Variants in GPR158 observed in about 807,000 individuals in gnomAD.
The protein encoded by GPR158 is G protein-coupled receptor 158.
A neutral mutation model predicts 78.2 loss-of-function variants in GPR158; 30 were observed. The ratio of observed to expected loss-of-function variants is 0.38; its 90% CI spans 0.29 to 0.52. The LOEUF (loss-of-function observed/expected upper bound fraction) is 0.52, where lower values mean the gene tolerates loss of function less well. Ranked by LOEUF, GPR158 falls within the 20% of genes least tolerant of loss-of-function variation. GPR158 has a pLI of 0.83. For missense variants in GPR158, 1,463 were observed against 1,523.5 expected, an observed-to-expected ratio of 0.96 and a Z score of 0.66; for synonymous variants, 581 against 591.1, an observed-to-expected ratio of 0.98 and a Z score of 0.25.
chr10:25,400,517 C>T (rs1197320382), intron 3 of GPR158, among the ~76,000 whole-genome samples: 3 of 152,156 alleles, frequency 2.0e-5, no homozygotes, highest in Non-Finnish European at 4.4e-5. Flanking sequence ...AGCCCAGAGA[C>T]CTTGTTCCTG....
At position 25,240,725 on chromosome 10, in the gene GPR158, A is replaced by G. The variant is rs185856116; in HGVS notation, c.1008+19568A>G. On this transcript the variant is annotated intron_variant, in intron 2 of 10. Coordinates refer to ENST00000376351, the MANE Select transcript of GPR158 (RefSeq NM_020752.3). ...GTTGGATTCTTATGTAATAAGATAT[A>G]TAAATTTTTATTTCAAATATGCATA... Among the ~76,000 whole-genome samples, 8 of 152,374 alleles carry G rather than the reference A, an allele frequency of 5.3e-5. No homozygotes were observed. The East Asian group carries it at 1.5e-3, about 29-fold the overall frequency.
intron 5 of GPR158, among the ~76,000 whole-genome samples, chr10:25,472,277 G>A (rs1835517712): frequency 6.6e-6 from 1 of 151,672 alleles, no homozygotes; most frequent in African/African-American, 2.4e-5. Flanking sequence ...GGTTGTAGAT[G>A]TGTGGTATTA....
At chr10:25,337,398 C>T (rs545892576) in intron 2 of GPR158, among the ~76,000 whole-genome samples, 128 of 152,212 alleles carry the variant, frequency 8.4e-4, no homozygotes, top group African/African-American at 2.9e-3. Context: ...ATGTTTAGAT[C>T]ATGTAACATG....
chr10:25,192,699 A>T (rs1852788755), intron 1 of GPR158, among the ~76,000 whole-genome samples: 1 of 152,152 alleles, frequency 6.6e-6, no homozygotes, highest in Admixed American at 6.5e-5. Flanking sequence ...CCGATTTATG[A>T]TGGTTCTACC....
At chr10:25,409,734 T>C (rs1834560664) in intron 3 of GPR158, among the ~76,000 whole-genome samples, 1 of 152,200 alleles carries the variant, frequency 6.6e-6, no homozygotes, top group Admixed American at 6.5e-5. Context: ...TCTCATATAA[T>C]TCCTCAATTT....
chr10:25,210,988 G>A (rs756454954), intron 1 of GPR158, among the ~76,000 whole-genome samples: 11 of 151,628 alleles, frequency 7.3e-5, no homozygotes, highest in Non-Finnish European at 1.2e-4. Context: ...AAAAAATAGC[G>A]GGGTGTGGTG....
intron 5 of GPR158, among the ~76,000 whole-genome samples, chr10:25,501,915 A>G (rs1536836): frequency 0.58 from 88,530 of 151,860 alleles, 26,424 homozygotes; most frequent in African/African-American, 0.71. Flanking sequence ...ATCTCCTCAC[A>G]CTGCTGTCCG....
At chr10:25,476,398 T>TTC (rs397784276) in intron 5 of GPR158, among the ~76,000 whole-genome samples, 7 of 151,536 alleles carry the variant, frequency 4.6e-5, no homozygotes, top group Non-Finnish European at 7.4e-5. Flanking sequence ...TTTTTTTTTT[T>TTC]CTTTCCCCTC....
chr10:25,349,635 G>A (rs1348540683), intron 2 of GPR158, among the ~76,000 whole-genome samples: 2 of 146,758 alleles, frequency 1.4e-5, no homozygotes, highest in Non-Finnish European at 2.9e-5. Context: ...TTCCATGATT[G>A]TAAGTTTCCT....
intron 5 of GPR158, among the ~76,000 whole-genome samples, chr10:25,539,117 T>C (rs1836540163): frequency 3.3e-5 from 5 of 152,118 alleles, no homozygotes; most frequent in Admixed American, 3.3e-4. Flanking sequence ...AATGTAGTGC[T>C]GCATCCTGGG....
chr10:25,486,882 G>T (rs1474714053), intron 5 of GPR158, among the ~76,000 whole-genome samples: 1 of 151,928 alleles, frequency 6.6e-6, no homozygotes, highest in East Asian at 1.9e-4. Context: ...AGATAAATGG[G>T]AATTTTCTAT....
chr10:25,288,775 T>G (rs2130762055), intron 2 of GPR158, among the ~76,000 whole-genome samples: 1 of 152,346 alleles, frequency 6.6e-6, no homozygotes. Context: ...GTACATTTGA[T>G]TGTAGAAGCC....
chr10:25,469,509 G>A (rs1004664683), intron 5 of GPR158, among the ~76,000 whole-genome samples: 5 of 152,024 alleles, frequency 3.3e-5, no homozygotes, highest in African/African-American at 1.2e-4. Context: ...GAATCGGCCG[G>A]GCCTGGTGGC....
chr10:25,216,050 A>G (rs1213276383), intron 1 of GPR158, among the ~76,000 whole-genome samples: 2 of 152,192 alleles, frequency 1.3e-5, no homozygotes, highest in Non-Finnish European at 2.9e-5. Context: ...TTGTCCTTCA[A>G]AACTGACCAA....
At chr10:25,220,025 CTTTTATA>C (rs1407882214) in intron 1 of GPR158, among the ~76,000 whole-genome samples, 1 of 151,994 alleles carries the variant, frequency 6.6e-6, no homozygotes, top group Non-Finnish European at 1.5e-5. Flanking sequence ...TTTGAGGCTA[CTTTTATA>C]TTTTATGTAT....
intron 2 of GPR158, among the ~76,000 whole-genome samples, chr10:25,252,428 TC>T (rs1853818549): frequency 6.6e-6 from 1 of 152,264 alleles, no homozygotes; most frequent in East Asian, 1.9e-4. Flanking sequence ...TTCTGTTTTT[TC>T]CCCATCTTTG....
chr10:25,380,139 C>T (rs977344212), intron 2 of GPR158, among the ~76,000 whole-genome samples: 10 of 152,022 alleles, frequency 6.6e-5, no homozygotes, highest in African/African-American at 2.4e-4. Flanking sequence ...CATGCTTGTG[C>T]TAGGATTTGG....
At chr10:25,471,903 T>G (rs557789982) in intron 5 of GPR158, among the ~76,000 whole-genome samples, 2,850 of 152,260 alleles carry the variant, frequency 0.019, 95 homozygotes, top group African/African-American at 0.065. Context: ...TTTCTCCCAT[T>G]TTGTAGGTTG....
intron 5 of GPR158, among the ~76,000 whole-genome samples, chr10:25,509,865 C>T (rs750828984): frequency 4.6e-5 from 7 of 152,160 alleles, no homozygotes; most frequent in Non-Finnish European, 7.4e-5. Flanking sequence ...AAGTGTGTGC[C>T]ACTGCACCTG....
Sources: gnomAD v4.1 joint callset for allele counts (sites outside exome capture counted in the v4.1 genomes callset) on GRCh38, gnomAD v4.1.1 for gene constraint, MANE v1.5 for transcripts, NCBI Gene and HGNC (gene_info 2026-07-23, HGNC 2026-07-21) for gene names.